SLC25A30: variants seen among roughly 807,000 people sequenced by gnomAD.
The protein encoded by SLC25A30 is solute carrier family 25 member 30.
In SLC25A30, 29 loss-of-function variants were observed where a neutral mutation model predicts 42.7. The observed-to-expected ratio is 0.68, with a 90% CI of 0.51 to 0.93. SLC25A30 has a LOEUF of 0.93. Among genes scored for constraint, SLC25A30 ranks in the 40% least tolerant of loss-of-function variants. The probability of loss-of-function intolerance (pLI) is 0.00; values close to 1 mark genes in which losing one functional copy is unlikely to be tolerated. For missense variants in SLC25A30, 300 were observed against 359.7 expected (o/e 0.83, Z 1.34); for synonymous variants, 124 against 131.0 (o/e 0.95, Z 0.37).
chr13:45,424,142 A>AATAT, the SLC25A30 span, among the ~76,000 whole-genome samples: 342 of 43,190 alleles, frequency 7.9e-3, 3 homozygotes, highest in African/African-American at 0.027. Context: ...TAAATATATA[A>AATAT]ATATAAGTAT....
upstream of SLC25A30, among the ~76,000 whole-genome samples, chr13:45,419,765 A>G (rs192596933): frequency 4.0e-5 from 6 of 151,848 alleles, no homozygotes; most frequent in African/African-American, 1.4e-4. Flanking sequence ...ACCCATCTCT[A>G]CTAAAAGTAC....
At chr13:45,418,966 A>AG (rs1883777045), upstream of SLC25A30, among the ~76,000 whole-genome samples, 1 of 115,258 alleles carries the variant, frequency 8.7e-6, no homozygotes, top group Non-Finnish European at 1.8e-5. Context: ...AAAAAAAAAA[A>AG]AAAAAAAAAA....
At chr13:45,409,113 T>G in intron 2 of SLC25A30, 39 bp from the exon 3 acceptor site, 1 of 1,507,868 alleles carries the variant, frequency 6.6e-7, no homozygotes, top group Non-Finnish European at 9.0e-7. Context: ...TAAAAAGAAA[T>G]TCCACTAAAT....
Position 45,396,266 on chromosome 13 carries a change from C to T in SLC25A30, c.835-251G>A. 2.2e-6 allele frequency: 3 copies of T among 1,362,674 alleles called. No homozygotes were observed. The South Asian group carries it at 5.1e-5, about 23-fold the overall frequency. The allele number at this position is 1,362,674 out of a possible 1,614,324, so 84.4% of individuals were successfully genotyped here. ...AGCCTCTTCTGAGATGGCATCTACG[C>T]TGATAAGCTTTTGTGGCTTTGCTGT... is the stretch of plus-strand genomic sequence containing the variant. On this transcript the variant is annotated intron_variant, in intron 9 of 9. Transcript: ENST00000519676.
intron 2 of SLC25A30, among the ~76,000 whole-genome samples, chr13:45,409,673 G>T (rs1053588769): frequency 6.6e-6 from 1 of 152,090 alleles, no homozygotes; most frequent in Non-Finnish European, 1.5e-5. Flanking sequence ...GCTGGGCGTG[G>T]TGGCAGGCAC....
intron 1 of SLC25A30, among the ~76,000 whole-genome samples, chr13:45,415,871 CT>C (rs1356975643): frequency 1.4e-5 from 2 of 141,934 alleles, no homozygotes; most frequent in Non-Finnish European, 3.0e-5. Context: ...GCTATCTCAG[CT>C]CACTGCAACC....
chr13:45,407,184 G>T (rs2137664635), intron 3 of SLC25A30, among the ~76,000 whole-genome samples: 1 of 152,212 alleles, frequency 6.6e-6, no homozygotes, highest in African/African-American at 2.4e-5. Context: ...GATCACTTGA[G>T]GTCAGGAGTT....
chr13:45,425,200 A>G, the SLC25A30 span, among the ~76,000 whole-genome samples: 4 of 102,044 alleles, frequency 3.9e-5, no homozygotes, highest in African/African-American at 1.6e-4. Flanking sequence ...ATATAAATAT[A>G]TGTAAGTATA....
At chr13:45,422,958 G>A (rs1484483228), upstream of SLC25A30, among the ~76,000 whole-genome samples, 1 of 152,068 alleles carries the variant, frequency 6.6e-6, no homozygotes, top group African/African-American at 2.4e-5. Context: ...GGTGAAATGG[G>A]TGCCTGCCCT....
At position 45,393,863 on chromosome 13, in the gene SLC25A30, A is replaced by T. The variant is rs1881123513; in HGVS notation, c.*2111T>A. 1.0e-6 allele frequency: 1 copy of T among 985,262 alleles called. No individual in the cohort carries two copies. The highest frequency in any genetic ancestry group is 4.7e-5 in the South Asian group (1 of 21,290). The allele number at this position is 985,262 out of a possible 1,614,324, so 61.0% of individuals were successfully genotyped here. On this transcript the variant is annotated 3_prime_UTR_variant, in exon 10 of 10. Coordinates refer to ENST00000519676, the MANE Select transcript of SLC25A30 (RefSeq NM_001010875.4). ...AATTTCTTTCCACCTTGGTAGGAACATGTATGTAATTTGAATAAACTGGTA... is the reference window on the plus strand; with the variant it reads ...AATTTCTTTCCACCTTGGTAGGAACTTGTATGTAATTTGAATAAACTGGTA...
chr13:45,423,520 AT>A, the SLC25A30 span, among the ~76,000 whole-genome samples: 2 of 111,558 alleles, frequency 1.8e-5, no homozygotes, highest in African/African-American at 7.2e-5. Flanking sequence ...TTATATATAT[AT>A]ACAAATATAT....
intron 5 of SLC25A30, among the ~76,000 whole-genome samples, chr13:45,403,355 A>G (rs879521631): frequency 8.5e-4 from 130 of 152,276 alleles, no homozygotes; most frequent in Non-Finnish European, 8.1e-4. Context: ...TGTCTTACTC[A>G]TATTTGGATT....
chr13:45,394,616 G>T lies in SLC25A30; in HGVS notation c.*1358C>A. 1.0e-6 allele frequency: 1 copy of T among 985,272 alleles called. No individual in the cohort carries two copies. Among genetic ancestry groups the T allele is most frequent in the Non-Finnish European group, 1.2e-6 (1 of 829,902 alleles). The allele number at this position is 985,272 out of a possible 1,614,324, so 61.0% of individuals were successfully genotyped here. A position where few individuals can be genotyped will look rare whatever the true frequency, so the allele number is the denominator to read the frequency against. ...GGTTCTCACAGTCATCTTTTATTTT[G>T]AAAAGACTAAGATGAAGACAAGAAG... is the stretch of plus-strand genomic sequence containing the variant. On this transcript the variant is annotated 3_prime_UTR_variant, in exon 10 of 10. Transcript: ENST00000519676.
At chr13:45,411,539 C>T in intron 1 of SLC25A30, 59 bp from the exon 2 acceptor site, 1 of 1,046,188 alleles carries the variant, frequency 9.6e-7, no homozygotes. Flanking sequence ...AGTTTCTTCT[C>T]CAAACTCTTC....
the SLC25A30 span, among the ~76,000 whole-genome samples, chr13:45,426,884 G>A: frequency 2.6e-5 from 4 of 152,104 alleles, no homozygotes; most frequent in Admixed American, 6.5e-5. Flanking sequence ...ATTAAACTTC[G>A]CATGAATAGC....
At chr13:45,423,596 T>TATATAAAAATATATATAAAAA in the SLC25A30 span, among the ~76,000 whole-genome samples, 2 of 106,714 alleles carry the variant, frequency 1.9e-5, no homozygotes, top group African/African-American at 7.6e-5. Context: ...TATAAATATA[T>TATATAAAAATATATATAAAAA]ATATATATAA....
rs150492995 is a variant in SLC25A30, at chr13:45,395,817, C to T, written c.*157G>A. 8,839 of 1,524,840 alleles carry T rather than the reference C, an allele frequency of 5.8e-3. 41 individuals are homozygous for T. Among genetic ancestry groups the T allele is most frequent in the Non-Finnish European group, 7.1e-3 (8,070 of 1,136,920 alleles). The allele number at this position is 1,524,840 out of a possible 1,614,324, so 94.5% of individuals were successfully genotyped here. Reference sequence around the variant, plus strand: ...ACGTTTGATGAAGAGCATCCAATGCCAACACACAGCAATCTCAACTAACCC... The same window carrying T: ...ACGTTTGATGAAGAGCATCCAATGCTAACACACAGCAATCTCAACTAACCC... On this transcript the variant is annotated 3_prime_UTR_variant, in exon 10 of 10. Coordinates refer to ENST00000519676, the MANE Select transcript of SLC25A30 (RefSeq NM_001010875.4).
intron 1 of SLC25A30, among the ~76,000 whole-genome samples, chr13:45,415,548 C>T (rs1427020322): frequency 2.0e-5 from 3 of 151,808 alleles, no homozygotes; most frequent in Non-Finnish European, 2.9e-5. Context: ...GTCAGGAGTT[C>T]GAGACCAGCC....
At chr13:45,424,165 A>ATATAAATATATATAAATG in the SLC25A30 span, among the ~76,000 whole-genome samples, 11 of 94,724 alleles carry the variant, frequency 1.2e-4, 1 homozygote, top group African/African-American at 4.8e-4. Context: ...ATATAGAAAT[A>ATATAAATATATATAAATG]TATCAATATA....
Sources: allele counts gnomAD v4.1 joint callset (sites outside exome capture counted in the v4.1 genomes callset), GRCh38; gene constraint gnomAD v4.1.1; transcripts MANE v1.5; gene names NCBI Gene and HGNC (gene_info 2026-07-23, HGNC 2026-07-21).